Variants in WWC1 observed in about 807,000 individuals in gnomAD.
WWC1 encodes the protein WW and C2 domain containing 1, also known as protein KIBRA.
WWC1 carries 55 observed loss-of-function variants against 138.4 expected under a neutral mutation model. The observed-to-expected ratio is 0.40, with a 90% confidence interval of 0.32 to 0.50. WWC1 has a LOEUF of 0.50. Among genes scored for constraint, WWC1 ranks in the 20% least tolerant of loss-of-function variants. WWC1 has a pLI of 0.72. For synonymous variants in WWC1, 524 were observed against 564.9 expected, an observed-to-expected ratio of 0.93 and a Z score of 1.03; for missense variants, 1,226 against 1,420.4, an observed-to-expected ratio of 0.86 and a Z score of 2.20.
chr5:168,364,883 G>T (rs184821951), intron 1 of WWC1, among the ~76,000 whole-genome samples: 1 of 152,282 alleles, frequency 6.6e-6, no homozygotes, highest in Admixed American at 6.5e-5. Context: ...TCGCCCTCTA[G>T]ACTGTAAGGG....
chr5:168,449,930 G>A (rs996975240), intron 17 of WWC1, among the ~76,000 whole-genome samples: 1 of 152,170 alleles, frequency 6.6e-6, no homozygotes, highest in African/African-American at 2.4e-5. Flanking sequence ...GAGAGCCAAG[G>A]CCCCTCCACA....
At chr5:168,370,327 G>A (rs1001511852) in intron 1 of WWC1, among the ~76,000 whole-genome samples, 7 of 152,184 alleles carry the variant, frequency 4.6e-5, no homozygotes, top group Non-Finnish European at 8.8e-5. Context: ...TCCATATGCA[G>A]CAGCAGGGGA....
Position 168,464,803 on chromosome 5 carries a change from G to A in WWC1, c.2991G>A (p.Ala997=), listed in dbSNP as rs372157598. 23 of 1,614,168 alleles carry A rather than the reference G, an allele frequency of 1.4e-5. No individual in the cohort carries two copies. The highest frequency in any genetic ancestry group is 8.0e-5 in the African/African-American group (6 of 75,044). ...TSLDLELDLQ[A]TRTWHSQLTQ... is the part of the protein sequence containing the mutation. ...TGGACCTGGAGTTAGACCTGCAGGC[G>A]ACAAGAACCTGGCACAGCCAATTGA... The change falls in exon 21 of 23, where the codon GCG becomes GCA. Residue 997 remains alanine, a synonymous_variant. Transcript: ENST00000265293.
intron 3 of WWC1, among the ~76,000 whole-genome samples, chr5:168,393,308 C>T (rs573403224): frequency 6.6e-6 from 1 of 152,128 alleles, no homozygotes; most frequent in African/African-American, 2.4e-5. Flanking sequence ...CAGCTCACAC[C>T]AAGATATCTC....
At chr5:168,465,222 C>T (rs1259293789) in intron 21 of WWC1, among the ~76,000 whole-genome samples, 2 of 152,206 alleles carry the variant, frequency 1.3e-5, no homozygotes, top group African/African-American at 4.8e-5. Flanking sequence ...TGTGCAAGCC[C>T]TTATTATTCA....
chr5:168,365,108 G>T (rs556545088), intron 1 of WWC1, among the ~76,000 whole-genome samples: 15 of 152,348 alleles, frequency 9.8e-5, no homozygotes, highest in South Asian at 8.3e-4. Flanking sequence ...CCTCCCCGGA[G>T]CTAAAGGTGA....
chr5:168,393,945 T>G (rs551872296), intron 3 of WWC1, among the ~76,000 whole-genome samples: 2 of 152,096 alleles, frequency 1.3e-5, no homozygotes, highest in African/African-American at 2.4e-5. Context: ...GGAAAAAAAG[T>G]GCTGAAAAGT....
At chr5:168,401,362 C>T (rs1378229736) in intron 5 of WWC1, among the ~76,000 whole-genome samples, 1 of 152,164 alleles carries the variant, frequency 6.6e-6, no homozygotes, top group African/African-American at 2.4e-5. Flanking sequence ...GGAGGCCACA[C>T]CTGTATGGAT....
intron 1 of WWC1, among the ~76,000 whole-genome samples, chr5:168,312,038 G>A (rs1209811366): frequency 6.7e-6 from 1 of 149,938 alleles, no homozygotes; most frequent in Non-Finnish European, 1.5e-5. Flanking sequence ...GACGGAGCAA[G>A]ACTCAGTCTA....
At chr5:168,438,844 C>A (rs909085779) in intron 15 of WWC1, among the ~76,000 whole-genome samples, 2 of 151,808 alleles carry the variant, frequency 1.3e-5, no homozygotes, top group Non-Finnish European at 2.9e-5. Flanking sequence ...ATCCCCTTCT[C>A]TGTGAGCTTA....
chr5:168,370,797 C>T (rs186670931), intron 1 of WWC1, among the ~76,000 whole-genome samples: 6 of 152,248 alleles, frequency 3.9e-5, no homozygotes, highest in East Asian at 3.9e-4. Flanking sequence ...ACATAGAGAG[C>T]GGTTATTGCT....
intron 1 of WWC1, among the ~76,000 whole-genome samples, chr5:168,313,264 C>G (rs1771276747): frequency 6.6e-6 from 1 of 152,082 alleles, no homozygotes; most frequent in Non-Finnish European, 1.5e-5. Flanking sequence ...GGCCGTGGAC[C>G]AGCACGTCAG....
At chr5:168,355,597 G>A (rs549239139) in intron 1 of WWC1, among the ~76,000 whole-genome samples, 1 of 151,958 alleles carries the variant, frequency 6.6e-6, no homozygotes, top group Non-Finnish European at 1.5e-5. Flanking sequence ...CCCAGGCAGC[G>A]AGACCTGCGG....
chr5:168,451,578 G>A (rs1291826341), intron 17 of WWC1, among the ~76,000 whole-genome samples: 1 of 152,110 alleles, frequency 6.6e-6, no homozygotes, highest in Admixed American at 6.5e-5. Flanking sequence ...GCACGTGCCT[G>A]TAGTACTAGC....
At chr5:168,403,571 G>A (rs1242734928) in intron 5 of WWC1, among the ~76,000 whole-genome samples, 1 of 152,210 alleles carries the variant, frequency 6.6e-6, no homozygotes, top group Non-Finnish European at 1.5e-5. Context: ...ATTAAAGGTT[G>A]CCTCTTGGAG....
intron 1 of WWC1, among the ~76,000 whole-genome samples, chr5:168,294,177 A>C (rs1769316858): frequency 6.6e-6 from 1 of 152,184 alleles, no homozygotes; most frequent in Admixed American, 6.5e-5. Flanking sequence ...GTAATTCTTT[A>C]CCCTTGGAAA....
At chr5:168,355,973 T>TG (rs1021497000) in intron 1 of WWC1, among the ~76,000 whole-genome samples, 6 of 150,830 alleles carry the variant, frequency 4.0e-5, no homozygotes, top group African/African-American at 7.3e-5. Flanking sequence ...GTGATTCTCT[T>TG]GGGGGGGCTG....
At chr5:168,463,538 A>G (rs1756997698) in intron 20 of WWC1, among the ~76,000 whole-genome samples, 1 of 152,220 alleles carries the variant, frequency 6.6e-6, no homozygotes, top group Non-Finnish European at 1.5e-5. Flanking sequence ...GAGATTATAC[A>G]GGGCGTGTAT....
intron 1 of WWC1, among the ~76,000 whole-genome samples, chr5:168,342,316 C>A (rs948662743): frequency 6.6e-6 from 1 of 152,042 alleles, no homozygotes; most frequent in Non-Finnish European, 1.5e-5. Context: ...AGGGTAGGGA[C>A]CATGGAAGGT....
Sources: gnomAD v4.1 joint callset for allele counts (sites outside exome capture counted in the v4.1 genomes callset) on GRCh38, gnomAD v4.1.1 for gene constraint, MANE v1.5 for transcripts, NCBI Gene and HGNC (gene_info 2026-07-23, HGNC 2026-07-21) for gene names.